Variants in JAM2 observed in about 807,000 individuals in gnomAD.
The protein encoded by JAM2 is junctional adhesion molecule B.
Under a neutral mutation model 42.0 loss-of-function variants are expected in JAM2, and 17 were observed. That is an observed-to-expected ratio of 0.40 (90% CI 0.28 to 0.61). The LOEUF (loss-of-function observed/expected upper bound fraction) is 0.61. Among genes scored for constraint, JAM2 ranks in the 20% least tolerant of loss-of-function variants. The pLI, the probability that JAM2 is intolerant of heterozygous loss-of-function variation, is 0.37. For synonymous variants in JAM2, 118 were observed against 128.6 expected (o/e 0.92, Z 0.56); for missense variants, 319 against 358.3 (o/e 0.89, Z 0.89).
At chr21:25,650,979 C>T (rs2032758934) in intron 1 of JAM2, among the ~76,000 whole-genome samples, 2 of 146,448 alleles carry the variant, frequency 1.4e-5, no homozygotes, top group Non-Finnish European at 3.0e-5. Context: ...ACCTGATATT[C>T]TCCATGAGAA....
intron 1 of JAM2, among the ~76,000 whole-genome samples, chr21:25,656,165 A>T (rs2123324940): frequency 6.6e-6 from 1 of 152,294 alleles, no homozygotes; most frequent in African/African-American, 2.4e-5. Context: ...TCATAGACTG[A>T]TGGCAAGAAA....
intron 1 of JAM2, among the ~76,000 whole-genome samples, chr21:25,681,524 G>T (rs574486028): frequency 6.6e-6 from 1 of 152,236 alleles, no homozygotes; most frequent in South Asian, 2.1e-4. Context: ...CTCCCACCAG[G>T]TTCCTCCCAC....
At chr21:25,652,023 A>G (rs1460507918) in intron 1 of JAM2, among the ~76,000 whole-genome samples, 1 of 152,246 alleles carries the variant, frequency 6.6e-6, no homozygotes, top group African/African-American at 2.4e-5. Context: ...GAAATTTTAA[A>G]TGTTTTATTT....
intron 1 of JAM2, among the ~76,000 whole-genome samples, chr21:25,668,656 T>G (rs962092691): frequency 2.6e-5 from 4 of 152,212 alleles, no homozygotes; most frequent in African/African-American, 9.6e-5. Flanking sequence ...AAATGTCTCA[T>G]AAACTTTCAG....
intron 9 of JAM2, chr21:25,714,190 C>T (rs937573864): frequency 4.1e-5 from 53 of 1,302,578 alleles, no homozygotes; most frequent in Non-Finnish European, 5.4e-5. Context: ...GTTAATTCCC[C>T]ATAAAACAAG....
At chr21:25,650,745 T>C (rs1446094861) in intron 1 of JAM2, among the ~76,000 whole-genome samples, 1 of 152,188 alleles carries the variant, frequency 6.6e-6, no homozygotes, top group East Asian at 1.9e-4. Flanking sequence ...CCCTATATTA[T>C]AGTGTTCTAT....
In JAM2 at chr21:25,669,944, G is replaced by T. The variant is rs549071148; in HGVS notation, c.68-13939G>T. ...TACAATTTAGTTCTTTATCCCAATG[G>T]GGGTAAAGTCAGTTCTGATACCACC... On this transcript the variant is annotated intron_variant, in intron 1 of 9. Transcript: ENST00000480456. Among the ~76,000 whole-genome samples the T allele has an allele frequency of 4.6e-5, 7 of 152,244 alleles. No homozygotes were observed. In the East Asian group the frequency reaches 1.4e-3, roughly 29 times the overall value.
chr21:25,697,795 T>TG (rs1201050571), intron 4 of JAM2, among the ~76,000 whole-genome samples: 2 of 151,890 alleles, frequency 1.3e-5, no homozygotes, highest in Non-Finnish European at 2.9e-5. Context: ...TTCCAGCTAC[T>TG]GGGGAGGTTG....
intron 1 of JAM2, among the ~76,000 whole-genome samples, chr21:25,660,782 ATTTTTTTTTT>A (rs869192568): frequency 1.5e-4 from 6 of 41,314 alleles, no homozygotes; most frequent in South Asian, 1.0e-3. Context: ...ATATATATAT[ATTTTTTTTTT>A]TTTTTTTTTT....
At chr21:25,702,022 A>T (rs776466967) in intron 5 of JAM2, 148 bp from the exon 6 acceptor site, 3 of 466,916 alleles carry the variant, frequency 6.4e-6, no homozygotes, top group Non-Finnish European at 1.1e-5. Flanking sequence ...GTCATGGCAG[A>T]TTTTTAAATT....
intron 1 of JAM2, among the ~76,000 whole-genome samples, chr21:25,642,778 A>AATAT (rs1191898984): frequency 2.6e-5 from 4 of 152,222 alleles, no homozygotes; most frequent in Non-Finnish European, 4.4e-5. Flanking sequence ...AGTAGGTATA[A>AATAT]ATATATGCCT....
intron 1 of JAM2, among the ~76,000 whole-genome samples, chr21:25,644,866 T>TTTTGTTTG (rs57234199): frequency 0.11 from 17,123 of 151,376 alleles, 1,786 homozygotes; most frequent in African/African-American, 0.29. Flanking sequence ...GGTTTTTTGG[T>TTTTGTTTG]TTTGTTTGTT....
In JAM2 at chr21:25,660,755, T is replaced by G. The variant is rs866829792; in HGVS notation, c.67+20867T>G. Reference sequence around the variant, plus strand: ...CAAATTTGTATTCTAATGCTCACAATAACCATATATATATATATATATATA... The same window carrying G: ...CAAATTTGTATTCTAATGCTCACAAGAACCATATATATATATATATATATA... On this transcript the variant is annotated intron_variant, in intron 1 of 9. Coordinates refer to ENST00000480456, the MANE Select transcript of JAM2 (RefSeq NM_021219.4). Among the ~76,000 whole-genome samples, 50 of 107,308 alleles carry G rather than the reference T, an allele frequency of 4.7e-4. 2 individuals carry two copies. Among genetic ancestry groups the G allele is most frequent in the African/African-American group, 1.8e-3 (46 of 25,448 alleles). The allele number at this position is 107,308 out of a possible 152,430, so 70.4% of individuals were successfully genotyped here. A position where few individuals can be genotyped will look rare whatever the true frequency, so the allele number is the denominator to read the frequency against.
intron 1 of JAM2, among the ~76,000 whole-genome samples, chr21:25,674,582 T>C (rs2033439258): frequency 6.6e-6 from 1 of 152,080 alleles, no homozygotes; most frequent in Admixed American, 6.6e-5. Flanking sequence ...AAGATGATCA[T>C]AAACTGACCA....
At chr21:25,682,834 C>A (rs1173225696) in intron 1 of JAM2, among the ~76,000 whole-genome samples, 1 of 151,852 alleles carries the variant, frequency 6.6e-6, no homozygotes, top group African/African-American at 2.4e-5. Flanking sequence ...TGGTCTTTTC[C>A]TGGAGTTTGG....
At chr21:25,644,578 T>G (rs191821959) in intron 1 of JAM2, among the ~76,000 whole-genome samples, 3 of 152,264 alleles carry the variant, frequency 2.0e-5, no homozygotes, top group Non-Finnish European at 1.5e-5. Context: ...CCTGAGTAAC[T>G]CTGGATAATT....
intron 1 of JAM2, among the ~76,000 whole-genome samples, chr21:25,679,175 C>T (rs939121781): frequency 2.0e-5 from 3 of 152,186 alleles, no homozygotes; most frequent in Admixed American, 2.0e-4. Flanking sequence ...TAAAATCTAG[C>T]ACAATGGAAG....
At chr21:25,687,105 T>C (rs112693217) in intron 2 of JAM2, among the ~76,000 whole-genome samples, 5 of 152,320 alleles carry the variant, frequency 3.3e-5, no homozygotes, top group African/African-American at 1.2e-4. Flanking sequence ...GATTTATAGG[T>C]AAATTTGTGA....
intron 1 of JAM2, among the ~76,000 whole-genome samples, chr21:25,661,922 A>G (rs1420926109): frequency 6.6e-6 from 1 of 152,186 alleles, no homozygotes; most frequent in Non-Finnish European, 1.5e-5. Context: ...ATGTTAAAAA[A>G]TAATTGCAGA....
Sources: allele counts gnomAD v4.1 joint callset (sites outside exome capture counted in the v4.1 genomes callset), GRCh38; gene constraint gnomAD v4.1.1; transcripts MANE v1.5; gene names NCBI Gene and HGNC (gene_info 2026-07-23, HGNC 2026-07-21).